TTC9C: variants seen among roughly 807,000 people sequenced by gnomAD.
TTC9C encodes the protein tetratricopeptide repeat domain 9C.
Under a neutral mutation model 22.5 loss-of-function variants are expected in TTC9C, and 15 were observed. The observed-to-expected ratio is 0.67, with a 90% CI of 0.45 to 1.03. The LOEUF (loss-of-function observed/expected upper bound fraction) is 1.03. Ranked by LOEUF, TTC9C falls within the 50% of genes least tolerant of loss-of-function variation. The pLI is 0.00. For synonymous variants in TTC9C, 92 were observed against 86.8 expected (o/e 1.06, Z -0.33); for missense variants, 244 against 214.6 (o/e 1.14, Z -0.86).
intron 1 of TTC9C, chr11:62,733,182 G>C: frequency 2.3e-6 from 3 of 1,284,936 alleles, no homozygotes; most frequent in Non-Finnish European, 2.0e-6. Context: ...TGAATTGCCT[G>C]AATTGACTCC....
chr11:62,732,346 T>C (rs1190969197), intron 1 of TTC9C, among the ~76,000 whole-genome samples: 1 of 151,720 alleles, frequency 6.6e-6, no homozygotes, highest in Non-Finnish European at 1.5e-5. Flanking sequence ...TGGTGGCTCA[T>C]GTCTGTAATC....
At position 62,738,278 on chromosome 11, in the gene TTC9C, A is replaced by G. The variant is rs202178357; in HGVS notation, c.422-10A>G. On this transcript the variant is annotated splice_polypyrimidine_tract_variant and intron_variant, in intron 2 of 2. Coordinates refer to ENST00000316461, the MANE Select transcript of TTC9C (RefSeq NM_173810.4). ...AACTGTTTCTAATTGCTTCTCCATCATCTTCCAAGATGCCAACGTCCGGCG... is the reference window on the plus strand; with the variant it reads ...AACTGTTTCTAATTGCTTCTCCATCGTCTTCCAAGATGCCAACGTCCGGCG... The G allele has an allele frequency of 3.2e-5, 51 of 1,592,222 alleles. No homozygotes were observed. The highest frequency in any genetic ancestry group is 1.7e-6 in the Non-Finnish European group (2 of 1,162,462).
rs757023676 is a variant in TTC9C, at chr11:62,728,881, CAAG to C, written c.34_36del (p.Lys12del). ...AGCGTCTGCAGGAGGCTCAGCTGTACAAGGAGGAAGGGAACCAGCGCTACCGGG... is the reference window on the plus strand; with the variant it reads ...AGCGTCTGCAGGAGGCTCAGCTGTACGAGGAAGGGAACCAGCGCTACCGGG... On this transcript the variant is annotated inframe_deletion, in exon 1 of 3. Coordinates refer to ENST00000316461, the MANE Select transcript of TTC9C (RefSeq NM_173810.4). 16 of 1,613,988 alleles carry C rather than the reference CAAG, an allele frequency of 9.9e-6. No individual in the cohort carries two copies. Among genetic ancestry groups the C allele is most frequent in the African/African-American group, 1.3e-5 (1 of 74,906 alleles).
intron 2 of TTC9C, 139 bp from the exon 3 acceptor site, chr11:62,738,149 C>T: frequency 4.4e-6 from 2 of 452,502 alleles, no homozygotes; most frequent in South Asian, 9.4e-5. Flanking sequence ...TTTACTATTG[C>T]ATAGAATGGT....
At chr11:62,728,187 C>T (rs1235134258), upstream of TTC9C, 3 of 290,138 alleles carry the variant, frequency 1.0e-5, no homozygotes, top group Non-Finnish European at 2.0e-5. Context: ...CCTTTCCTCT[C>T]CTTGCTCCTG....
chr11:62,728,679 C>T lies in TTC9C; in HGVS notation c.-170C>T, dbSNP rs946206545. The T allele has an allele frequency of 7.0e-5, 50 of 714,474 alleles. No individual in the cohort carries two copies. In the East Asian group the frequency reaches 1.2e-3, roughly 17 times the overall value. The allele number at this position is 714,474 out of a possible 1,614,324, so 44.3% of individuals were successfully genotyped here. ...AAGACTGCAGAAAGGAGAGGTGGGGCTTTCAGTAGAAACAAGCAAACCGCA... is the reference window on the plus strand; with the variant it reads ...AAGACTGCAGAAAGGAGAGGTGGGGTTTTCAGTAGAAACAAGCAAACCGCA... On this transcript the variant is annotated 5_prime_UTR_variant, in exon 1 of 3. Coordinates refer to ENST00000316461, the MANE Select transcript of TTC9C (RefSeq NM_173810.4).
intron 2 of TTC9C, 172 bp downstream of exon 2, chr11:62,735,736 CTT>C: frequency 8.3e-7 from 1 of 1,202,608 alleles, no homozygotes; most frequent in Non-Finnish European, 1.1e-6. Context: ...TTTTTCCACT[CTT>C]GTGTTCTTGT....
In TTC9C at chr11:62,731,452, C is replaced by T. The variant is rs561775595; in HGVS notation, c.238+2366C>T. Among the ~76,000 whole-genome samples, 4 of 152,124 alleles carry T rather than the reference C, an allele frequency of 2.6e-5. No homozygotes were observed. In the East Asian group the frequency reaches 7.8e-4, roughly 30 times the overall value. The stretch of plus-strand genomic sequence containing the variant: ...TCTCTACAAAAAATACAAAAATTAG[C>T]CAGGCATGGTTGTGCTTGCCGGTAG... On this transcript the variant is annotated intron_variant, in intron 1 of 2. Transcript: ENST00000316461.
At chr11:62,737,096 G>A (rs563565431) in intron 2 of TTC9C, among the ~76,000 whole-genome samples, 84 of 152,200 alleles carry the variant, frequency 5.5e-4, no homozygotes, top group Middle Eastern at 6.8e-3. Context: ...CTACTCGGGA[G>A]GCTGAGGCAG....
intron 1 of TTC9C, among the ~76,000 whole-genome samples, 154 bp from the exon 2 acceptor site, chr11:62,735,228 A>G (rs2083896793): frequency 6.6e-6 from 1 of 152,170 alleles, no homozygotes; most frequent in Non-Finnish European, 1.5e-5. Flanking sequence ...CTGCATCCCC[A>G]GTGTGTAGAA....
intron 1 of TTC9C, among the ~76,000 whole-genome samples, chr11:62,730,509 C>A (rs924508793): frequency 2.0e-5 from 3 of 152,198 alleles, no homozygotes; most frequent in Admixed American, 2.0e-4. Flanking sequence ...CCTGAAACAC[C>A]CCATTGGCAT....
chr11:62,732,876 C>T (rs1304999841), intron 1 of TTC9C, among the ~76,000 whole-genome samples: 2 of 152,000 alleles, frequency 1.3e-5, no homozygotes, highest in Non-Finnish European at 2.9e-5. Context: ...CAGCCAAGAT[C>T]GTACCAGTGC....
chr11:62,735,127 CA>C (rs2083895726), intron 1 of TTC9C, among the ~76,000 whole-genome samples: 1 of 152,188 alleles, frequency 6.6e-6, no homozygotes, highest in Non-Finnish European at 1.5e-5. Flanking sequence ...CTCCCGACCT[CA>C]GGTGATCCAC....
At chr11:62,735,632 G>T in intron 2 of TTC9C, 68 bp downstream of exon 2, 2 of 1,486,006 alleles carry the variant, frequency 1.3e-6, no homozygotes, top group Non-Finnish European at 1.8e-6. Context: ...GTGGAAAGGG[G>T]GTTTTATTTT....
chr11:62,732,134 T>C (rs949673253), intron 1 of TTC9C, among the ~76,000 whole-genome samples: 1 of 150,490 alleles, frequency 6.6e-6, no homozygotes, highest in Non-Finnish European at 1.5e-5. Flanking sequence ...TAGCTGGGAC[T>C]ACAGGCGCCC....
rs1263229563 is a variant in TTC9C at position 62,728,506 on chromosome 11, G to T, written c.-343G>T. 2.1e-6 allele frequency: 1 copy of T among 483,874 alleles called. No individual in the cohort carries two copies. Among genetic ancestry groups the T allele is most frequent in the Admixed American group, 2.3e-5 (1 of 43,298 alleles). 30.0% of individuals were successfully genotyped at this position (483,874 alleles called of 1,614,324 possible). Reference sequence around the variant, plus strand: ...AAGCCAGTGTCCCAGGCGTTCTCACGCCCGCAACAATTCCTGAGTAGGGCC... The same window carrying T: ...AAGCCAGTGTCCCAGGCGTTCTCACTCCCGCAACAATTCCTGAGTAGGGCC... On this transcript the variant is annotated 5_prime_UTR_variant, in exon 1 of 3. Coordinates refer to ENST00000316461, the MANE Select transcript of TTC9C (RefSeq NM_173810.4).
chr11:62,731,543 G>A (rs905312500), intron 1 of TTC9C, among the ~76,000 whole-genome samples: 6 of 152,132 alleles, frequency 3.9e-5, no homozygotes, highest in Admixed American at 3.9e-4. Context: ...GCTGCAGTGA[G>A]CCAAGATTGG....
chr11:62,732,972 CTTTTTTT>C, intron 1 of TTC9C: 1 of 200,772 alleles, frequency 5.0e-6, no homozygotes, highest in Middle Eastern at 8.4e-4. Flanking sequence ...TATTCCTCCA[CTTTTTTT>C]TTTTTTTTTT....
chr11:62,730,066 T>C (rs891089471), intron 1 of TTC9C, among the ~76,000 whole-genome samples: 3 of 152,158 alleles, frequency 2.0e-5, no homozygotes, highest in Non-Finnish European at 2.9e-5. Context: ...TAGCTTTTCC[T>C]CATTTTTCTT....
Sources: allele counts gnomAD v4.1 joint callset (sites outside exome capture counted in the v4.1 genomes callset), GRCh38; gene constraint gnomAD v4.1.1; transcripts MANE v1.5; gene names NCBI Gene and HGNC (gene_info 2026-07-23, HGNC 2026-07-21).